ATOH1: variants seen among roughly 807,000 people sequenced by gnomAD.
ATOH1 encodes transcription factor ATOH1.
In ATOH1, 9 loss-of-function variants were observed where a neutral mutation model predicts 20.7. The observed-to-expected ratio is 0.44, with a 90% confidence interval of 0.26 to 0.76. The LOEUF (loss-of-function observed/expected upper bound fraction) is 0.76, where lower values mean the gene tolerates loss of function less well. ATOH1 is among the 30% of genes least tolerant of loss of function. The probability of loss-of-function intolerance (pLI) is 0.20; values close to 1 mark genes in which losing one functional copy is unlikely to be tolerated. For synonymous variants in ATOH1, 247 were observed against 214.3 expected, an observed-to-expected ratio of 1.15 and a Z score of -1.33; for missense variants, 516 against 479.3, an observed-to-expected ratio of 1.08 and a Z score of -0.71.
At position 93,829,670 on chromosome 4, in the gene ATOH1, G is replaced by C; in HGVS notation, c.744G>C (p.Ala248=). The C allele has an allele frequency of 6.4e-7, 1 of 1,574,334 alleles. No individual in the cohort carries two copies. The highest frequency in any genetic ancestry group is 2.2e-5 in the East Asian group (1 of 44,572). The change falls in exon 1 of 1, where the codon GCG becomes GCC. Residue 248 remains alanine, a synonymous_variant. Transcript: ENST00000306011. The surrounding 1 kb of genome is among the most constrained non-coding windows in gnomAD (Gnocchi z 4.5). ...CCGCGGCCTCCTATGAAGGGGGCGC[G>C]GGCAACGCGACCGCAGCTGGGGCTC... ...LRTAASYEGG[A]GNATAAGAQQ...
chr4:93,829,776 G>A lies in ATOH1; in HGVS notation c.850G>A (p.Gly284Arg), dbSNP rs1413091183. The A allele has an allele frequency of 1.2e-6, 2 of 1,607,108 alleles. No individual in the cohort carries two copies. The highest frequency in any genetic ancestry group is 2.2e-5 in the East Asian group (1 of 44,830). Residue 284 changes from glycine to arginine, a missense_variant, in exon 1 of 1, where the codon GGG becomes AGG. By Grantham distance (125) the Gly-to-Arg change is moderately radical. Coordinates refer to ENST00000306011, the MANE Select transcript of ATOH1 (RefSeq NM_005172.2). The surrounding 1 kb of genome is among the most constrained non-coding windows in gnomAD (Gnocchi z 4.5). Reference protein sequence around the residue: ...TRFSAPASAGGYSVQLDALHF... With the variant: ...TRFSAPASAGRYSVQLDALHF... ...CTTCTCAGCCCCAGCTTCTGCGGGA[G>A]GGTACTCGGTGCAGCTGGACGCTCT...
In ATOH1 at chr4:93,830,111, T is replaced by G; in HGVS notation, c.*120T>G. 1 of 1,437,020 alleles carries G rather than the reference T, an allele frequency of 7.0e-7. No homozygotes were observed. The highest frequency in any genetic ancestry group is 9.1e-7 in the Non-Finnish European group (1 of 1,097,064). The allele number at this position is 1,437,020 out of a possible 1,614,324, so 89.0% of individuals were successfully genotyped here. A position where few individuals can be genotyped will look rare whatever the true frequency, so the allele number is the denominator to read the frequency against. ...ATTTTTGCTCTGCGATGGTCGTTGT[T>G]TAGCAACGACTTGGCTTCAGATGGC... On this transcript the variant is annotated 3_prime_UTR_variant, in exon 1 of 1. Transcript: ENST00000306011.
Position 93,829,678 on chromosome 4 carries a change from C to A in ATOH1, c.752C>A (p.Ala251Glu). 1 of 1,571,080 alleles carries A rather than the reference C, an allele frequency of 6.4e-7. No homozygotes were observed. The highest frequency in any genetic ancestry group is 1.8e-5 in the Admixed American group (1 of 54,258). Residue 251 changes from alanine to glutamate, a missense_variant, in exon 1 of 1, where the codon GCG becomes GAG. Coordinates refer to ENST00000306011, the MANE Select transcript of ATOH1 (RefSeq NM_005172.2). The surrounding 1 kb of genome is among the most constrained non-coding windows in gnomAD (Gnocchi z 4.5). ...TCCTATGAAGGGGGCGCGGGCAACG[C>A]GACCGCAGCTGGGGCTCAGCAGGCT... is the stretch of plus-strand genomic sequence containing the variant. Reference protein sequence around the residue: ...AASYEGGAGNATAAGAQQASG... With the variant: ...AASYEGGAGNETAAGAQQASG...
chr4:93,829,496 C>A lies in ATOH1; in HGVS notation c.570C>A (p.Asn190Lys), dbSNP rs1487811609. ...TGCGCAATGTTATCCCGTCGTTCAA[C>A]AACGACAAGAAGCTGTCCAAATATG... ...DQLRNVIPSF[N>K]NDKKLSKYET... Residue 190 changes from asparagine (N) to lysine (K), a missense_variant, in exon 1 of 1, where the codon AAC becomes AAA. Transcript: ENST00000306011. The surrounding 1 kb of genome is among the most constrained non-coding windows in gnomAD (Gnocchi z 4.5). The A allele has an allele frequency of 3.7e-6, 6 of 1,614,260 alleles. No individual in the cohort carries two copies. The Middle Eastern group carries it at 6.6e-4, about 178-fold the overall frequency.
In ATOH1 at chr4:93,829,019, G is replaced by A. The variant is rs952424149; in HGVS notation, c.93G>A (p.Pro31=). Residue 31 remains proline (P), a synonymous_variant, in exon 1 of 1, where the codon CCG becomes CCA. Transcript: ENST00000306011. The surrounding 1 kb of genome is among the most constrained non-coding windows in gnomAD (Gnocchi z 4.5). ...CCCAGCCGCATCATCTCCCGCAACC[G>A]CCGCCGCCGCCGCAGCCACCTGCAA... ...RQPQPHHLPQ[P]PPPPQPPATL... is the part of the protein sequence containing the mutation. 1 of 1,605,980 alleles carries A rather than the reference G, an allele frequency of 6.2e-7. No homozygotes were observed. Among genetic ancestry groups the A allele is most frequent in the African/African-American group, 1.3e-5 (1 of 74,810 alleles).
At position 93,829,364 on chromosome 4, in the gene ATOH1, G is replaced by T. The variant is rs376812790; in HGVS notation, c.438G>T (p.Arg146=). ...ACGAGCTGGGCTGCAGCCGCCAACG[G>T]GCCCCTTCCAGCAAACAGGTGAATG... is the stretch of plus-strand genomic sequence containing the variant. ...VVDELGCSRQ[R]APSSKQVNGV... The change falls in exon 1 of 1, where the codon CGG becomes CGT. Residue 146 remains arginine, a synonymous_variant. Coordinates refer to ENST00000306011, the MANE Select transcript of ATOH1 (RefSeq NM_005172.2). The surrounding 1 kb of genome is among the most constrained non-coding windows in gnomAD (Gnocchi z 4.5). 2 of 1,614,076 alleles carry T rather than the reference G, an allele frequency of 1.2e-6. No individual in the cohort carries two copies. The highest frequency in any genetic ancestry group is 2.7e-5 in the African/African-American group (2 of 74,940).
At position 93,830,582 on chromosome 4, in the gene ATOH1, CGTTGGCGTCTTTTA is replaced by C. The variant is rs1201142076; in HGVS notation, c.*593_*606del. 6.0e-6 allele frequency: 1 copy of C among 166,912 alleles called. No homozygotes were observed. Among genetic ancestry groups the C allele is most frequent in the Non-Finnish European group, 1.5e-5 (1 of 68,114 alleles). The allele number at this position is 166,912 out of a possible 1,614,324, so 10.3% of individuals were successfully genotyped here. A position where few individuals can be genotyped will look rare whatever the true frequency, so the allele number is the denominator to read the frequency against. On this transcript the variant is annotated 3_prime_UTR_variant, in exon 1 of 1. Coordinates refer to ENST00000306011, the MANE Select transcript of ATOH1 (RefSeq NM_005172.2). ...CAGTATGTGCATCCGATCGCGAGAA[CGTTGGCGTCTTTTA>C]GGAAACTCCGCGCACGCACTTTATC...
chr4:93,829,553 C>A lies in ATOH1; in HGVS notation c.627C>A (p.Asn209Lys), dbSNP rs751381751. ...TGCAGATGGCCCAAATCTACATCAACGCCTTGTCCGAGCTGCTACAAACGC... is the reference window on the plus strand; with the variant it reads ...TGCAGATGGCCCAAATCTACATCAAAGCCTTGTCCGAGCTGCTACAAACGC... ...ETLQMAQIYI[N>K]ALSELLQTPS... is the part of the protein sequence containing the mutation. The change falls in exon 1 of 1, where the codon AAC becomes AAA. Residue 209 changes from asparagine (N) to lysine (K), a missense_variant. Transcript: ENST00000306011. This position sits in a 1 kb window ranked among gnomAD's most constrained non-coding sequence, Gnocchi z 4.5. 3.1e-6 allele frequency: 5 copies of A among 1,614,258 alleles called. No individual in the cohort carries two copies. In the South Asian group the frequency reaches 4.4e-5, roughly 14 times the overall value.
In ATOH1 at chr4:93,829,808, C is replaced by G; in HGVS notation, c.882C>G (p.Phe294Leu). ...GYSVQLDALH[F>L]STFEDSALTA... ...CGGTGCAGCTGGACGCTCTGCACTT[C>G]TCGACTTTCGAGGACAGCGCCCTGA... The change falls in exon 1 of 1, where the codon TTC becomes TTG. Residue 294 changes from phenylalanine (F) to leucine (L), a missense_variant. Physicochemically the swap from Phe to Leu is conservative, Grantham distance 22. Coordinates refer to ENST00000306011, the MANE Select transcript of ATOH1 (RefSeq NM_005172.2). The surrounding 1 kb of genome is among the most constrained non-coding windows in gnomAD (Gnocchi z 4.5). 6.2e-7 allele frequency: 1 copy of G among 1,613,794 alleles called. No individual in the cohort carries two copies. The highest frequency in any genetic ancestry group is 1.3e-5 in the African/African-American group (1 of 75,080).
Position 93,828,936 on chromosome 4 carries a change from C to A in ATOH1, c.10C>A (p.Leu4Met), listed in dbSNP as rs369720969. The change falls in exon 1 of 1, where the codon CTG becomes ATG. Residue 4 changes from leucine (L) to methionine (M), a missense_variant. Leu to Met is a conservative substitution (Grantham distance 15). Transcript: ENST00000306011. ...GAGCCTTTGCAGTGCAATGTCCCGC[C>A]TGCTGCATGCAGAAGAGTGGGCTGA... Reference protein sequence around the residue: MSRLLHAEEWAEVK... With the variant: MSRMLHAEEWAEVK... 7.3e-5 allele frequency: 117 copies of A among 1,596,076 alleles called. No homozygotes were observed. The highest frequency in any genetic ancestry group is 9.8e-5 in the Non-Finnish European group (115 of 1,170,154).
At position 93,829,112 on chromosome 4, in the gene ATOH1, C is replaced by G. The variant is rs374062652; in HGVS notation, c.186C>G (p.Arg62=). The change falls in exon 1 of 1, where the codon CGC becomes CGG. Residue 62 remains arginine (R), a synonymous_variant. Transcript: ENST00000306011. This position sits in a 1 kb window ranked among gnomAD's most constrained non-coding sequence, Gnocchi z 4.5. ...CCCTCCTGGACAGCACCGACCCACGCGCCTGGCTGGCTCCCACTTTGCAGG... is the reference window on the plus strand; with the variant it reads ...CCCTCCTGGACAGCACCGACCCACGGGCCTGGCTGGCTCCCACTTTGCAGG... ...ELSLLDSTDP[R]AWLAPTLQGI... 6.2e-7 allele frequency: 1 copy of G among 1,609,652 alleles called. No individual in the cohort carries two copies. Among genetic ancestry groups the G allele is most frequent in the African/African-American group, 1.3e-5 (1 of 74,930 alleles).
Position 93,829,561 on chromosome 4 carries a change from C to T in ATOH1, c.635C>T (p.Ser212Phe), listed in dbSNP as rs369884611. The change falls in exon 1 of 1, where the codon TCC becomes TTC. Residue 212 changes from serine (S) to phenylalanine (F), a missense_variant. Transcript: ENST00000306011. The surrounding 1 kb of genome is among the most constrained non-coding windows in gnomAD (Gnocchi z 4.5). ...GCCCAAATCTACATCAACGCCTTGT[C>T]CGAGCTGCTACAAACGCCCAGCGGA... ...QMAQIYINAL[S>F]ELLQTPSGGE... 5.6e-6 allele frequency: 9 copies of T among 1,614,114 alleles called. No individual in the cohort carries two copies. Among genetic ancestry groups the T allele is most frequent in the Middle Eastern group, 1.6e-4 (1 of 6,084 alleles).
chr4:93,830,235 C>A lies in ATOH1; in HGVS notation c.*244C>A. The A allele has an allele frequency of 2.7e-6, 2 of 739,582 alleles. No individual in the cohort carries two copies. Among genetic ancestry groups the A allele is most frequent in the Non-Finnish European group, 2.0e-6 (1 of 504,188 alleles). The allele number at this position is 739,582 out of a possible 1,614,324, so 45.8% of individuals were successfully genotyped here. A position where few individuals can be genotyped will look rare whatever the true frequency, so the allele number is the denominator to read the frequency against. The stretch of plus-strand genomic sequence containing the variant: ...TTCTGTTAAAATTGTGTCCTTTCCG[C>A]CCACCTTCTGCTCCCCCTTTAGATA... On this transcript the variant is annotated 3_prime_UTR_variant, in exon 1 of 1. Transcript: ENST00000306011.
Position 93,830,523 on chromosome 4 carries a change from A to G in ATOH1, c.*532A>G, listed in dbSNP as rs28648558. The G allele has an allele frequency of 0.55, 92,373 of 167,308 alleles. 27,537 individuals are homozygous for G. The highest frequency in any genetic ancestry group is 0.66 in the Admixed American group (10,138 of 15,352). The allele number at this position is 167,308 out of a possible 1,614,324, so 10.4% of individuals were successfully genotyped here. ...GACTATGGAATTGTTAGAAAACAAG[A>G]AACTTTAAGGTTTATATATTGTATA... On this transcript the variant is annotated 3_prime_UTR_variant, in exon 1 of 1. Transcript: ENST00000306011.
At position 93,829,759 on chromosome 4, in the gene ATOH1, C is replaced by A. The variant is rs1321662597; in HGVS notation, c.833C>A (p.Ala278Asp). 6 of 1,599,324 alleles carry A rather than the reference C, an allele frequency of 3.8e-6. No homozygotes were observed. Among genetic ancestry groups the A allele is most frequent in the Non-Finnish European group, 5.1e-6 (6 of 1,172,740 alleles). The change falls in exon 1 of 1, where the codon GCC becomes GAC. Residue 278 changes from alanine (A) to aspartate (D), a missense_variant. Coordinates refer to ENST00000306011, the MANE Select transcript of ATOH1 (RefSeq NM_005172.2). This position sits in a 1 kb window ranked among gnomAD's most constrained non-coding sequence, Gnocchi z 4.5. ...PPGSCRTRFS[A>D]PASAGGYSVQ... is the part of the protein sequence containing the mutation. ...GGGAGTTGCCGGACTCGCTTCTCAG[C>A]CCCAGCTTCTGCGGGAGGGTACTCG...
Position 93,829,790 on chromosome 4 carries a change from G to A in ATOH1, c.864G>A (p.Gln288=), listed in dbSNP as rs1578814252. ...CTTCTGCGGGAGGGTACTCGGTGCA[G>A]CTGGACGCTCTGCACTTCTCGACTT... is the stretch of plus-strand genomic sequence containing the variant. The part of the protein sequence containing the change: ...APASAGGYSV[Q]LDALHFSTFE... The change falls in exon 1 of 1, where the codon CAG becomes CAA. Residue 288 remains glutamine (Q), a synonymous_variant. Coordinates refer to ENST00000306011, the MANE Select transcript of ATOH1 (RefSeq NM_005172.2). The surrounding 1 kb of genome is among the most constrained non-coding windows in gnomAD (Gnocchi z 4.5). The A allele has an allele frequency of 6.2e-7, 1 of 1,612,694 alleles. No homozygotes were observed. The highest frequency in any genetic ancestry group is 8.5e-7 in the Non-Finnish European group (1 of 1,179,374).
rs548916062 is a variant in ATOH1 at position 93,828,755 on chromosome 4, A to G, written c.-172A>G. ...GGGGCGCAGCGCCTTCAGCAACCGG[A>G]GAAGCATAGTTGCACGCGACCTGGT... On this transcript the variant is annotated 5_prime_UTR_variant, in exon 1 of 1. Transcript: ENST00000306011. The G allele has an allele frequency of 5.6e-5, 36 of 643,250 alleles. No homozygotes were observed. In the East Asian group the frequency reaches 9.7e-4, roughly 17 times the overall value. The allele number at this position is 643,250 out of a possible 1,614,324, so 39.8% of individuals were successfully genotyped here. A position where few individuals can be genotyped will look rare whatever the true frequency, so the allele number is the denominator to read the frequency against.
rs954463446 is a variant in ATOH1 at position 93,830,448 on chromosome 4, A to G, written c.*457A>G. 4 of 169,860 alleles carry G rather than the reference A, an allele frequency of 2.4e-5. No individual in the cohort carries two copies. The highest frequency in any genetic ancestry group is 9.6e-5 in the African/African-American group (4 of 41,538). The allele number at this position is 169,860 out of a possible 1,614,324, so 10.5% of individuals were successfully genotyped here. The stretch of plus-strand genomic sequence containing the variant: ...ATTTAGTCTTCCGAAGTTGTTTTCC[A>G]AAATGCACAATGAAACGCAAAATTA... On this transcript the variant is annotated 3_prime_UTR_variant, in exon 1 of 1. Coordinates refer to ENST00000306011, the MANE Select transcript of ATOH1 (RefSeq NM_005172.2).
rs1735422777 is a variant in ATOH1 at position 93,830,475 on chromosome 4, T to C, written c.*484T>C. On this transcript the variant is annotated 3_prime_UTR_variant, in exon 1 of 1. Transcript: ENST00000306011. Reference sequence around the variant, plus strand: ...AATGCACAATGAAACGCAAAATTAGTGCTTCCAAAGTGGATAACTTTTGAC... The same window carrying C: ...AATGCACAATGAAACGCAAAATTAGCGCTTCCAAAGTGGATAACTTTTGAC... The C allele has an allele frequency of 5.9e-6, 1 of 168,652 alleles. No homozygotes were observed. The highest frequency in any genetic ancestry group is 2.4e-5 in the African/African-American group (1 of 41,486). The allele number at this position is 168,652 out of a possible 1,614,324, so 10.4% of individuals were successfully genotyped here. A position where few individuals can be genotyped will look rare whatever the true frequency, so the allele number is the denominator to read the frequency against.
Sources: gnomAD v4.1 joint callset for allele counts on GRCh38, gnomAD v4.1.1 for gene constraint, Gnocchi (gnomAD v3.1) non-coding constraint, MANE v1.5 for transcripts, NCBI Gene and HGNC (gene_info 2026-07-23, HGNC 2026-07-21) for gene names.